RALGPS1: variants seen among roughly 807,000 people sequenced by gnomAD.
RALGPS1 encodes ras-specific guanine nucleotide-releasing factor RalGPS1.
A neutral mutation model predicts 78.8 loss-of-function variants in RALGPS1; 19 were observed. The observed-to-expected ratio is 0.24, with a 90% confidence interval of 0.17 to 0.35. The LOEUF (loss-of-function observed/expected upper bound fraction) is 0.35, where lower values mean the gene tolerates loss of function less well. Ranked by LOEUF, RALGPS1 falls within the 10% of genes least tolerant of loss-of-function variation. RALGPS1 has a pLI of 1.00. For synonymous variants in RALGPS1, 228 were observed against 256.3 expected, an observed-to-expected ratio of 0.89 and a Z score of 1.06; for missense variants, 454 against 688.3, an observed-to-expected ratio of 0.66 and a Z score of 3.81.
At chr9:126,946,972 G>A (rs936420297) in intron 1 of RALGPS1, among the ~76,000 whole-genome samples, 6 of 152,128 alleles carry the variant, frequency 3.9e-5, no homozygotes, top group Non-Finnish European at 8.8e-5. Flanking sequence ...GTAGATTGTA[G>A]ATGCTTATGT....
At chr9:127,072,151 G>A (rs1564525279) in intron 8 of RALGPS1, among the ~76,000 whole-genome samples, 1 of 152,208 alleles carries the variant, frequency 6.6e-6, no homozygotes, top group Non-Finnish European at 1.5e-5. Flanking sequence ...TAGAGCATGA[G>A]TAGTACTTCA....
chr9:127,079,030 T>C (rs2050933934), intron 8 of RALGPS1, among the ~76,000 whole-genome samples: 1 of 152,200 alleles, frequency 6.6e-6, no homozygotes, highest in Non-Finnish European at 1.5e-5. Context: ...GATCAGTGCT[T>C]GTATCCAGGT....
chr9:127,156,217 A>G (rs140538821), intron 8 of RALGPS1, among the ~76,000 whole-genome samples: 172 of 152,360 alleles, frequency 1.1e-3, no homozygotes, highest in Admixed American at 1.8e-3. Flanking sequence ...TTGTATAATT[A>G]TAAATTACAA....
chr9:126,968,617 C>T (rs2132352233), intron 3 of RALGPS1, among the ~76,000 whole-genome samples: 1 of 152,272 alleles, frequency 6.6e-6, no homozygotes, highest in South Asian at 2.1e-4. Flanking sequence ...ATAAGCGAGT[C>T]AACACTTAGA....
At chr9:126,952,356 C>T (rs138111278) in intron 1 of RALGPS1, among the ~76,000 whole-genome samples, 15 of 152,186 alleles carry the variant, frequency 9.9e-5, no homozygotes, top group East Asian at 7.7e-4. Context: ...AGGAGGGAGC[C>T]GGTAAACAGT....
chr9:127,189,847 G>T (rs1379899084), intron 11 of RALGPS1, among the ~76,000 whole-genome samples: 2 of 152,236 alleles, frequency 1.3e-5, no homozygotes, highest in Non-Finnish European at 2.9e-5. Context: ...AGCCCCATAT[G>T]CAGCCCCCTG....
chr9:127,002,800 T>C (rs991407179), intron 4 of RALGPS1, among the ~76,000 whole-genome samples: 3 of 152,156 alleles, frequency 2.0e-5, no homozygotes, highest in African/African-American at 7.2e-5. Context: ...GACTGCATAG[T>C]ATTCCATGGT....
chr9:126,932,394 A>G (rs2035874197), intron 1 of RALGPS1, among the ~76,000 whole-genome samples: 1 of 152,230 alleles, frequency 6.6e-6, no homozygotes, highest in Non-Finnish European at 1.5e-5. Context: ...GTATCGACCC[A>G]ACTTTGAGAC....
rs536792481 is a variant in RALGPS1 at position 127,179,416 on chromosome 9, G to A, written c.910+4634G>A. On this transcript the variant is annotated intron_variant, in intron 11 of 18. Transcript: ENST00000259351. ...GGACCTGGCAGCCAGACTGAGCTGCGTGGCAGGAGCCTGACCAGACTCAGG... is the reference window on the plus strand; with the variant it reads ...GGACCTGGCAGCCAGACTGAGCTGCATGGCAGGAGCCTGACCAGACTCAGG... Among the ~76,000 whole-genome samples the A allele has an allele frequency of 3.9e-5, 6 of 152,294 alleles. No individual in the cohort carries two copies. The East Asian group carries it at 7.7e-4, about 20-fold the overall frequency.
chr9:127,206,597 T>C (rs534890810), intron 14 of RALGPS1, among the ~76,000 whole-genome samples: 4 of 152,086 alleles, frequency 2.6e-5, no homozygotes, highest in Non-Finnish European at 2.9e-5. Flanking sequence ...GTGGAGATTA[T>C]GGGAACTACA....
chr9:126,964,613 A>G (rs920643095), intron 2 of RALGPS1, among the ~76,000 whole-genome samples: 1 of 107,568 alleles, frequency 9.3e-6, no homozygotes, highest in Non-Finnish European at 2.3e-5. Flanking sequence ...ATCCAGGCCT[A>G]TCTGACCTCA....
chr9:127,090,165 G>T (rs1046087208), intron 8 of RALGPS1, among the ~76,000 whole-genome samples: 1 of 152,198 alleles, frequency 6.6e-6, no homozygotes, highest in African/African-American at 2.4e-5. Flanking sequence ...CCTTGGGCAC[G>T]CCATAACCAG....
intron 8 of RALGPS1, chr9:127,087,341 AT>A (rs1191678156): frequency 6.6e-6 from 1 of 152,402 alleles, no homozygotes; most frequent in Non-Finnish European, 1.5e-5. Flanking sequence ...GTGTAGATAC[AT>A]CCAAATAGCA....
At chr9:127,106,633 C>T (rs1427820586) in intron 8 of RALGPS1, among the ~76,000 whole-genome samples, 1 of 152,182 alleles carries the variant, frequency 6.6e-6, no homozygotes, top group East Asian at 1.9e-4. Context: ...TACTCCAAAG[C>T]GCCTGCTCTC....
intron 1 of RALGPS1, among the ~76,000 whole-genome samples, chr9:126,935,892 G>A (rs532320912): frequency 6.6e-6 from 1 of 152,346 alleles, no homozygotes; most frequent in Admixed American, 6.5e-5. Flanking sequence ...GATTCCATTA[G>A]AAGCACAGCA....
intron 8 of RALGPS1, among the ~76,000 whole-genome samples, chr9:127,152,771 CT>C (rs2058493897): frequency 6.6e-6 from 1 of 152,200 alleles, no homozygotes; most frequent in South Asian, 2.1e-4. Flanking sequence ...CTAGTCTCTT[CT>C]GGAAGGTTTC....
chr9:126,954,164 G>A (rs904779708), intron 1 of RALGPS1, among the ~76,000 whole-genome samples: 1 of 152,190 alleles, frequency 6.6e-6, no homozygotes, highest in African/African-American at 2.4e-5. Context: ...CACCTAGTGG[G>A]TGGGTGTTGA....
At chr9:127,206,774 C>T (rs1346805413) in intron 14 of RALGPS1, among the ~76,000 whole-genome samples, 1 of 152,070 alleles carries the variant, frequency 6.6e-6, no homozygotes, top group Non-Finnish European at 1.5e-5. Flanking sequence ...GAAATGTAAG[C>T]CCCAGGATAC....
chr9:127,213,090 G>C (rs769116593), intron 17 of RALGPS1, 41 bp downstream of exon 17: 64 of 1,613,006 alleles, frequency 4.0e-5, no homozygotes, highest in Non-Finnish European at 5.1e-5. Context: ...GCTGCTCTCT[G>C]CCCATTTCCT....
Sources: allele counts gnomAD v4.1 joint callset (sites outside exome capture counted in the v4.1 genomes callset), GRCh38; gene constraint gnomAD v4.1.1; transcripts MANE v1.5; gene names NCBI Gene and HGNC (gene_info 2026-07-23, HGNC 2026-07-21).